PDE6A: variants seen among roughly 807,000 people sequenced by gnomAD.
PDE6A encodes rod cGMP-specific 3',5'-cyclic phosphodiesterase subunit alpha.
In PDE6A, 84 loss-of-function variants were observed where a neutral mutation model predicts 106.3. The ratio of observed to expected loss-of-function variants is 0.79; its 90% CI spans 0.66 to 0.95. The LOEUF (loss-of-function observed/expected upper bound fraction) is 0.95, where lower values mean the gene tolerates loss of function less well. PDE6A is among the 40% of genes least tolerant of loss of function. The pLI, the probability that PDE6A is intolerant of heterozygous loss-of-function variation, is 0.00. For missense variants in PDE6A, 1,052 were observed against 1,084.9 expected, an observed-to-expected ratio of 0.97 and a Z score of 0.43; for synonymous variants, 394 against 386.6, an observed-to-expected ratio of 1.02 and a Z score of -0.23.
chr5:149,894,564 A>G (rs1216871238), intron 13 of PDE6A, among the ~76,000 whole-genome samples: 1 of 151,950 alleles, frequency 6.6e-6, no homozygotes, highest in African/African-American at 2.4e-5. Flanking sequence ...TAAAAATGAA[A>G]TATGTTCCTA....
chr5:149,870,066 A>G (rs1037090060), intron 17 of PDE6A, among the ~76,000 whole-genome samples: 1 of 152,092 alleles, frequency 6.6e-6, no homozygotes, highest in African/African-American at 2.4e-5. Context: ...AGGAAGGAGG[A>G]TCACTTGAGG....
intron 17 of PDE6A, among the ~76,000 whole-genome samples, chr5:149,876,645 G>C (rs1437837626): frequency 6.6e-6 from 1 of 152,076 alleles, no homozygotes; most frequent in Non-Finnish European, 1.5e-5. Flanking sequence ...TGGGATTACA[G>C]GTGCAAGCCA....
At chr5:149,934,786 C>T (rs767536288) in intron 1 of PDE6A, 68 bp from the exon 2 acceptor site, 1 of 1,514,604 alleles carries the variant, frequency 6.6e-7, no homozygotes, top group South Asian at 1.1e-5. Context: ...GGCCCAAAGC[C>T]CCTGTTGACA....
At chr5:149,925,059 C>A (rs1031969623) in intron 4 of PDE6A, among the ~76,000 whole-genome samples, 1 of 152,136 alleles carries the variant, frequency 6.6e-6, no homozygotes, top group Admixed American at 6.6e-5. Flanking sequence ...AGGTTCTCTG[C>A]CTTTACCCCA....
At chr5:149,943,729 T>C (rs1754380701) in intron 1 of PDE6A, among the ~76,000 whole-genome samples, 3 of 151,152 alleles carry the variant, frequency 2.0e-5, no homozygotes, top group African/African-American at 4.9e-5. Flanking sequence ...GTGGAGGTAC[T>C]GTGTGGAAGT....
intron 13 of PDE6A, among the ~76,000 whole-genome samples, chr5:149,892,526 C>T (rs1752584337): frequency 6.9e-6 from 1 of 145,500 alleles, no homozygotes; most frequent in Non-Finnish European, 1.5e-5. Flanking sequence ...ATGATTCACT[C>T]TGTCACCCAG....
chr5:149,934,456 G>C, intron 2 of PDE6A, 110 bp downstream of exon 2: 3 of 1,043,582 alleles, frequency 2.9e-6, no homozygotes, highest in Non-Finnish European at 3.0e-6. Context: ...TGAATTCCCT[G>C]TCTTACAGAT....
chr5:149,922,589 G>A (rs1165989590), intron 4 of PDE6A, among the ~76,000 whole-genome samples: 2 of 152,170 alleles, frequency 1.3e-5, no homozygotes, highest in Non-Finnish European at 2.9e-5. Context: ...TGGGATTACA[G>A]GCATCAGCCA....
rs1387236496 is a variant in PDE6A, at chr5:149,935,254, C to CTG, written c.475-538_475-537dup. On this transcript the variant is annotated intron_variant, in intron 1 of 21. Transcript: ENST00000255266. ...ATGTCATGTGTGTAGATTGTGTAGA[C>CTG]TGTGTGTGTGAGTGTGTGTGTGTGT... Among the ~76,000 whole-genome samples the CTG allele has an allele frequency of 5.5e-5, 7 of 126,642 alleles. 2 individuals carry two copies. Among genetic ancestry groups the CTG allele is most frequent in the East Asian group, 2.1e-4 (1 of 4,776 alleles). The allele number at this position is 126,642 out of a possible 152,430, so 83.1% of individuals were successfully genotyped here.
At chr5:149,938,107 G>A (rs1206278759) in intron 1 of PDE6A, among the ~76,000 whole-genome samples, 7 of 152,168 alleles carry the variant, frequency 4.6e-5, no homozygotes, top group Non-Finnish European at 4.4e-5. Flanking sequence ...ATGAGCCCAC[G>A]ACTCAAAGCA....
chr5:149,863,346 G>T lies in PDE6A; in HGVS notation c.2359-80C>A. 2 of 1,419,808 alleles carry T rather than the reference G, an allele frequency of 1.4e-6. No homozygotes were observed. The highest frequency in any genetic ancestry group is 9.9e-7 in the Non-Finnish European group (1 of 1,009,572). The allele number at this position is 1,419,808 out of a possible 1,614,324, so 88.0% of individuals were successfully genotyped here. Reference sequence around the variant, plus strand: ...TCAAGCGGGTGGCACAGCTGGAAACGTCCAACACTGGAATGAGCTGCTTCG... The same window carrying T: ...TCAAGCGGGTGGCACAGCTGGAAACTTCCAACACTGGAATGAGCTGCTTCG... On this transcript the variant is annotated intron_variant, in intron 20 of 21. Coordinates refer to ENST00000255266, the MANE Select transcript of PDE6A (RefSeq NM_000440.3). The surrounding 1 kb of genome is among the most constrained non-coding windows in gnomAD (Gnocchi z 4.7).
At position 149,932,170 on chromosome 5, in the gene PDE6A, C is replaced by T. The variant is rs1327511512; in HGVS notation, c.718-1002G>A. On this transcript the variant is annotated intron_variant, in intron 3 of 21. Transcript: ENST00000255266. ...CGTCTTAGTGAAGCTGCATCTACAACAGTCAGGTCATCTGATGTTCCTTCA... is the reference window on the plus strand; with the variant it reads ...CGTCTTAGTGAAGCTGCATCTACAATAGTCAGGTCATCTGATGTTCCTTCA... 1.1e-5 allele frequency: 14 copies of T among 1,229,876 alleles called. No individual in the cohort carries two copies. The South Asian group carries it at 1.7e-4, about 15-fold the overall frequency. The allele number at this position is 1,229,876 out of a possible 1,614,324, so 76.2% of individuals were successfully genotyped here. A position where few individuals can be genotyped will look rare whatever the true frequency, so the allele number is the denominator to read the frequency against.
In PDE6A at chr5:149,886,349, G is replaced by A. The variant is rs547792004; in HGVS notation, c.1754C>T (p.Thr585Met). ...LVTGKLKRYF[T>M]DLEALAMVTA... ...GACCATGGCCAAGGCCTCTAGGTCCGTGAAGTAGCGCTTCAGCTTTCCCGT... is the reference window on the plus strand; with the variant it reads ...GACCATGGCCAAGGCCTCTAGGTCCATGAAGTAGCGCTTCAGCTTTCCCGT... The change falls in exon 14 of 22, where the codon ACG becomes ATG. Residue 585 changes from threonine (T) to methionine (M), a missense_variant. Physicochemically the swap from Thr to Met is moderately conservative, Grantham distance 81. Around this residue, in one of 3 missense-constraint regions of PDE6A, gnomAD observed 913 missense variants for 915.2 expected, o/e 1.00. Coordinates refer to ENST00000255266, the MANE Select transcript of PDE6A (RefSeq NM_000440.3). 36 of 1,613,880 alleles carry A rather than the reference G, an allele frequency of 2.2e-5. No individual in the cohort carries two copies. The highest frequency in any genetic ancestry group is 2.0e-4 in the South Asian group (18 of 91,068).
chr5:149,865,656 T>C (rs1245658883), intron 20 of PDE6A, among the ~76,000 whole-genome samples: 2 of 152,214 alleles, frequency 1.3e-5, no homozygotes, highest in African/African-American at 4.8e-5. Flanking sequence ...CCAGTGACAC[T>C]GGCCCTGTCA....
At chr5:149,862,723 T>A (rs1222007421) in intron 21 of PDE6A, among the ~76,000 whole-genome samples, 2 of 151,864 alleles carry the variant, frequency 1.3e-5, no homozygotes, top group African/African-American at 4.8e-5. Context: ...GTGCCACTGC[T>A]CTCCAGCCTG....
chr5:149,928,974 A>G (rs1581207831), intron 4 of PDE6A, among the ~76,000 whole-genome samples: 1 of 152,244 alleles, frequency 6.6e-6, no homozygotes. Flanking sequence ...CAGAATGGCT[A>G]AAGTTACTAA....
chr5:149,887,960 C>T (rs1162173931), intron 13 of PDE6A, among the ~76,000 whole-genome samples: 1 of 149,448 alleles, frequency 6.7e-6, no homozygotes. Context: ...TCTTGAGCCG[C>T]CCTCTTTCTG....
chr5:149,922,435 C>G (rs925117576), intron 4 of PDE6A, among the ~76,000 whole-genome samples: 7 of 152,086 alleles, frequency 4.6e-5, no homozygotes, highest in Non-Finnish European at 8.8e-5. Context: ...GCTCAGCCTC[C>G]CAAGTAGCTG....
intron 17 of PDE6A, among the ~76,000 whole-genome samples, chr5:149,878,297 C>T (rs916285285): frequency 6.6e-6 from 1 of 151,776 alleles, no homozygotes; most frequent in Non-Finnish European, 1.5e-5. Context: ...AGATCCTGCT[C>T]CTGGCTTTTT....
Sources: allele counts gnomAD v4.1 joint callset (sites outside exome capture counted in the v4.1 genomes callset), GRCh38; gene constraint gnomAD v4.1.1; regional missense constraint gnomAD v4.1.1; non-coding constraint Gnocchi (gnomAD v3.1); transcripts MANE v1.5; gene names NCBI Gene and HGNC (gene_info 2026-07-23, HGNC 2026-07-21).